STK3: variants seen among roughly 807,000 people sequenced by gnomAD.
STK3 encodes the protein serine/threonine-protein kinase 3.
A neutral mutation model predicts 58.0 loss-of-function variants in STK3; 41 were observed. The observed-to-expected ratio is 0.71, with a 90% CI of 0.55 to 0.92. The LOEUF (loss-of-function observed/expected upper bound fraction) is 0.92. Ranked by LOEUF, STK3 falls within the 40% of genes least tolerant of loss-of-function variation. STK3 has a pLI of 0.00. For missense variants in STK3, 479 were observed against 602.7 expected (o/e 0.79, Z 2.15); for synonymous variants, 170 against 191.0 (o/e 0.89, Z 0.91).
intron 6 of STK3, chr8:98,598,077 A>C (rs1414321169): frequency 2.0e-6 from 2 of 985,298 alleles, no homozygotes; most frequent in Non-Finnish European, 2.4e-6. Flanking sequence ...AAGGACTTAC[A>C]TAAGCCCCTA....
intron 2 of STK3, among the ~76,000 whole-genome samples, chr8:98,435,789 A>G (rs1563604224): frequency 6.6e-6 from 1 of 152,136 alleles, no homozygotes; most frequent in East Asian, 1.9e-4. Flanking sequence ...CAGTGGGCAG[A>G]GGGAGGCCTG....
intron 1 of STK3, among the ~76,000 whole-genome samples, chr8:98,381,270 C>T (rs542490026): frequency 1.3e-5 from 2 of 152,202 alleles, no homozygotes; most frequent in Non-Finnish European, 2.9e-5. Flanking sequence ...CACATGTGGT[C>T]TATTGTGTGT....
chr8:98,932,943 G>A (rs1344121499), intron 1 of STK3, among the ~76,000 whole-genome samples: 2 of 152,198 alleles, frequency 1.3e-5, no homozygotes, highest in African/African-American at 2.4e-5. Context: ...AGTAGCCCCA[G>A]GTCTGTGCTG....
intron 10 of STK3, among the ~76,000 whole-genome samples, chr8:98,504,679 GT>G (rs1823907014): frequency 6.6e-6 from 1 of 152,114 alleles, no homozygotes; most frequent in South Asian, 2.1e-4. Flanking sequence ...GAAATTCTGG[GT>G]TGAAAATTCA....
chr8:98,807,601 C>G (rs1474921875), intron 1 of STK3, among the ~76,000 whole-genome samples: 1 of 152,086 alleles, frequency 6.6e-6, no homozygotes, highest in Non-Finnish European at 1.5e-5. Context: ...GTGAATAAGA[C>G]TGAGTACAAA....
chr8:98,478,586 C>T (rs1261638004), intron 10 of STK3, among the ~76,000 whole-genome samples: 1 of 152,090 alleles, frequency 6.6e-6, no homozygotes, highest in African/African-American at 2.4e-5. Context: ...AAACTAGCTG[C>T]AGGAAAGAAA....
intron 1 of STK3, among the ~76,000 whole-genome samples, chr8:98,796,521 G>GA (rs1447553538): frequency 1.3e-5 from 2 of 152,006 alleles, no homozygotes; most frequent in Admixed American, 6.6e-5. Context: ...AATCCCAGAA[G>GA]AAAAAAGAGG....
At chr8:98,921,783 C>G (rs932984422) in intron 1 of STK3, among the ~76,000 whole-genome samples, 2 of 152,184 alleles carry the variant, frequency 1.3e-5, no homozygotes, top group African/African-American at 4.8e-5. Flanking sequence ...CCCCCACCTC[C>G]CGGGTTCAAG....
chr8:98,726,578 A>G (rs1270231991), intron 4 of STK3, among the ~76,000 whole-genome samples: 1 of 152,168 alleles, frequency 6.6e-6, no homozygotes, highest in Non-Finnish European at 1.5e-5. Flanking sequence ...AGGAGCAAAA[A>G]GTATCACTTT....
chr8:98,777,369 A>G (rs1268242149), intron 1 of STK3, among the ~76,000 whole-genome samples: 1 of 152,134 alleles, frequency 6.6e-6, no homozygotes, highest in Non-Finnish European at 1.5e-5. Context: ...CTATTAAAAA[A>G]TACAAAACGT....
chr8:98,780,372 T>C lies in STK3; in HGVS notation c.27-5553A>G, dbSNP rs116096932. Reference sequence around the variant, plus strand: ...TTATTAGCTCAGTGTAGACTTAACTTGTATTATTATGAGTGAAGTTGACCA... The same window carrying C: ...TTATTAGCTCAGTGTAGACTTAACTCGTATTATTATGAGTGAAGTTGACCA... On this transcript the variant is annotated intron_variant, in intron 1 of 10. Transcript: ENST00000419617. 8.3e-4 allele frequency among the ~76,000 whole-genome samples: 127 copies of C among 152,136 alleles called. 1 individual carries two copies. Among genetic ancestry groups the C allele is most frequent in the African/African-American group, 2.7e-3 (113 of 41,512 alleles).
At chr8:98,846,918 T>C (rs1392096240) in intron 3 of STK3, among the ~76,000 whole-genome samples, 2 of 151,362 alleles carry the variant, frequency 1.3e-5, no homozygotes, top group Non-Finnish European at 1.5e-5. Context: ...TGCCCCCCCA[T>C]GACAATGCAA....
intron 4 of STK3, among the ~76,000 whole-genome samples, chr8:98,734,048 G>GGA (rs1416293729): frequency 6.6e-6 from 1 of 152,064 alleles, no homozygotes; most frequent in Non-Finnish European, 1.5e-5. Context: ...TGGCACAGCG[G>GGA]GAGAGAGGAT....
intron 6 of STK3, among the ~76,000 whole-genome samples, chr8:98,700,097 C>T (rs1378917089): frequency 1.3e-5 from 2 of 152,316 alleles, no homozygotes; most frequent in African/African-American, 4.8e-5. Flanking sequence ...GCCTCGCTGC[C>T]GCCTTGCAGT....
chr8:98,361,141 T>A, the STK3 span, among the ~76,000 whole-genome samples: 13 of 152,276 alleles, frequency 8.5e-5, no homozygotes, highest in African/African-American at 3.1e-4. Context: ...CCAACCAGAC[T>A]GGACAAGAGA....
At chr8:98,730,475 T>C (rs1828091782) in intron 4 of STK3, among the ~76,000 whole-genome samples, 1 of 152,140 alleles carries the variant, frequency 6.6e-6, no homozygotes, top group Admixed American at 6.5e-5. Flanking sequence ...CCCAGCACTT[T>C]GCGAGGCCGA....
At chr8:98,630,434 G>A (rs991953460) in intron 6 of STK3, among the ~76,000 whole-genome samples, 7 of 152,110 alleles carry the variant, frequency 4.6e-5, no homozygotes, top group African/African-American at 1.2e-4. Flanking sequence ...TTGAGCCCAC[G>A]TGTTCGAGAC....
intron 3 of STK3, among the ~76,000 whole-genome samples, chr8:98,405,101 A>G (rs185602874): frequency 6.6e-6 from 1 of 152,324 alleles, no homozygotes; most frequent in Non-Finnish European, 1.5e-5. Flanking sequence ...TATTTCTGTA[A>G]TGAATCCCTA....
chr8:98,438,436 C>T (rs1818570216), intron 1 of STK3: 1 of 152,230 alleles, frequency 6.6e-6, no homozygotes, highest in Non-Finnish European at 1.5e-5. Flanking sequence ...GTGCTGGCCT[C>T]AGCAAACAAT....
Sources: allele counts gnomAD v4.1 joint callset (sites outside exome capture counted in the v4.1 genomes callset), GRCh38; gene constraint gnomAD v4.1.1; transcripts MANE v1.5; gene names NCBI Gene and HGNC (gene_info 2026-07-23, HGNC 2026-07-21).